The following GRIK2 variants were observed in gnomAD, a reference collection of about 807,000 sequenced individuals.
The protein encoded by GRIK2 is glutamate ionotropic receptor kainate type subunit 2.
A neutral mutation model predicts 100.3 loss-of-function variants in GRIK2; 32 were observed. The observed-to-expected ratio is 0.32, with a 90% CI of 0.24 to 0.43. GRIK2 has a LOEUF of 0.43. GRIK2 is among the 20% of genes least tolerant of loss of function. GRIK2 has a pLI of 1.00. For missense variants in GRIK2, 843 were observed against 1,114.9 expected, an observed-to-expected ratio of 0.76 and a Z score of 3.47; for synonymous variants, 417 against 389.4, an observed-to-expected ratio of 1.07 and a Z score of -0.83.
At chr6:101,960,204 A>T (rs980340916) in intron 14 of GRIK2, among the ~76,000 whole-genome samples, 3 of 146,714 alleles carry the variant, frequency 2.0e-5, no homozygotes, top group African/African-American at 5.4e-5. Context: ...CTGTTTTTTT[A>T]AAAATTATCT....
chr6:101,790,264 A>AGG (rs1444563723), intron 7 of GRIK2, among the ~76,000 whole-genome samples: 1 of 151,728 alleles, frequency 6.6e-6, no homozygotes, highest in African/African-American at 2.4e-5. Flanking sequence ...GTGGTGAGAG[A>AGG]GGGCATCCCT....
In GRIK2 at chr6:101,809,087, A is replaced by AAAAG. The variant is rs1781174419; in HGVS notation, c.1203+6649_1203+6650insAAAG. ...CCTCTAAAAGGTTTAAATTTGTCAT[A>AAAAG]TTTTACTTTCATGTGAAGCTTCATT... is the stretch of plus-strand genomic sequence containing the variant. On this transcript the variant is annotated intron_variant, in intron 9 of 16. Transcript: ENST00000369134. Among the ~76,000 whole-genome samples, 3 of 151,808 alleles carry AAAAG rather than the reference A, an allele frequency of 2.0e-5. No individual in the cohort carries two copies. In the South Asian group the frequency reaches 6.2e-4, roughly 31 times the overall value.
Position 102,001,365 on chromosome 6 carries a change from C to T in GRIK2, c.2086-33976C>T, listed in dbSNP as rs563254780. 1.1e-4 allele frequency among the ~76,000 whole-genome samples: 17 copies of T among 151,558 alleles called. No homozygotes were observed. The East Asian group carries it at 2.0e-3, about 17-fold the overall frequency. On this transcript the variant is annotated intron_variant, in intron 14 of 16. Coordinates refer to ENST00000369134, the MANE Select transcript of GRIK2 (RefSeq NM_021956.5). ...ATGCTCTCCCTCTCCTTGTTCCCCACCCCCCGACAGGCCCCAGTATGTGAT... is the reference window on the plus strand; with the variant it reads ...ATGCTCTCCCTCTCCTTGTTCCCCATCCCCCGACAGGCCCCAGTATGTGAT...
chr6:101,946,782 A>G (rs1287837064), intron 14 of GRIK2, among the ~76,000 whole-genome samples: 1 of 152,110 alleles, frequency 6.6e-6, no homozygotes, highest in Non-Finnish European at 1.5e-5. Context: ...GGATGGAGGC[A>G]GAGTGGTATT....
At chr6:101,460,422 A>T (rs1045175936) in intron 2 of GRIK2, among the ~76,000 whole-genome samples, 5 of 152,204 alleles carry the variant, frequency 3.3e-5, no homozygotes, top group African/African-American at 1.2e-4. Context: ...TTTCTTCTTA[A>T]ATAGATGAGT....
chr6:101,677,609 A>G lies in GRIK2; in HGVS notation c.723+805A>G, dbSNP rs531892588. 5.3e-5 allele frequency among the ~76,000 whole-genome samples: 8 copies of G among 152,244 alleles called. No homozygotes were observed. In the South Asian group the frequency reaches 1.7e-3, roughly 32 times the overall value. Reference sequence around the variant, plus strand: ...TTAAATGGCCAGAACAAGGCCCTACACTTACTATGTAGTAGAGCCTGGATT... The same window carrying G: ...TTAAATGGCCAGAACAAGGCCCTACGCTTACTATGTAGTAGAGCCTGGATT... On this transcript the variant is annotated intron_variant, in intron 5 of 16. Coordinates refer to ENST00000369134, the MANE Select transcript of GRIK2 (RefSeq NM_021956.5).
At chr6:101,977,742 G>A (rs1195471901) in intron 14 of GRIK2, among the ~76,000 whole-genome samples, 1 of 151,938 alleles carries the variant, frequency 6.6e-6, no homozygotes, top group Non-Finnish European at 1.5e-5. Context: ...TCTAAAACCT[G>A]CGTGCTTCAT....
At chr6:101,400,898 C>T (rs1258562265) in intron 2 of GRIK2, among the ~76,000 whole-genome samples, 2 of 152,166 alleles carry the variant, frequency 1.3e-5, no homozygotes, top group African/African-American at 4.8e-5. Flanking sequence ...TACTTAAGCA[C>T]GTTGCTCTTA....
intron 2 of GRIK2, among the ~76,000 whole-genome samples, chr6:101,495,513 GTAAA>G (rs751166491): frequency 3.7e-4 from 56 of 151,638 alleles, no homozygotes; most frequent in South Asian, 8.3e-4. Flanking sequence ...CTCAAAATAA[GTAAA>G]TAAATAAATA....
chr6:101,463,469 TAA>T (rs1771449779), intron 2 of GRIK2, among the ~76,000 whole-genome samples: 1 of 152,178 alleles, frequency 6.6e-6, no homozygotes, highest in East Asian at 1.9e-4. Context: ...AGGAAGAATA[TAA>T]ATTGTATTTT....
chr6:101,541,257 C>T (rs1218414104), intron 2 of GRIK2, among the ~76,000 whole-genome samples: 1 of 151,852 alleles, frequency 6.6e-6, no homozygotes, highest in African/African-American at 2.4e-5. Flanking sequence ...TCCAGACCCA[C>T]CAGAACCAAG....
At chr6:101,718,049 T>C (rs1180936655) in intron 7 of GRIK2, among the ~76,000 whole-genome samples, 1 of 151,838 alleles carries the variant, frequency 6.6e-6, no homozygotes, top group African/African-American at 2.4e-5. Flanking sequence ...GGTATTATAC[T>C]CTTGTCTATA....
At chr6:101,752,974 G>T (rs1776883567) in intron 7 of GRIK2, among the ~76,000 whole-genome samples, 1 of 152,136 alleles carries the variant, frequency 6.6e-6, no homozygotes, top group Non-Finnish European at 1.5e-5. Flanking sequence ...TCTGCAATAT[G>T]GTAAAACTGA....
intron 11 of GRIK2, among the ~76,000 whole-genome samples, chr6:101,882,612 C>T (rs1196810667): frequency 6.6e-6 from 1 of 151,652 alleles, no homozygotes; most frequent in African/African-American, 2.4e-5. Flanking sequence ...TGAGGGAAAT[C>T]TCTGAATTTT....
At chr6:101,768,226 C>T (rs1778159095) in intron 7 of GRIK2, among the ~76,000 whole-genome samples, 1 of 152,086 alleles carries the variant, frequency 6.6e-6, no homozygotes, top group Admixed American at 6.6e-5. Context: ...TGTTGAGAAA[C>T]ATTAAGGCTG....
intron 14 of GRIK2, among the ~76,000 whole-genome samples, chr6:101,997,364 T>C (rs889387428): frequency 1.3e-5 from 2 of 152,238 alleles, no homozygotes; most frequent in East Asian, 3.9e-4. Flanking sequence ...TGTATGTCCT[T>C]TATCATGGTT....
At chr6:101,393,973 G>A (rs1436147771) in intron 1 of GRIK2, among the ~76,000 whole-genome samples, 136 bp downstream of exon 1, 2 of 152,236 alleles carry the variant, frequency 1.3e-5, no homozygotes, top group Non-Finnish European at 1.5e-5. Flanking sequence ...CAGTAGCGCT[G>A]CGGACGTCCG....
intron 14 of GRIK2, among the ~76,000 whole-genome samples, chr6:102,015,693 G>A (rs1022873151): frequency 6.6e-6 from 1 of 152,220 alleles, no homozygotes; most frequent in Non-Finnish European, 1.5e-5. Flanking sequence ...ATGCAAATGA[G>A]TATGGATCCC....
At position 102,020,653 on chromosome 6, in the gene GRIK2, A is replaced by T. The variant is rs958700557; in HGVS notation, c.2086-14688A>T. On this transcript the variant is annotated intron_variant, in intron 14 of 16. Coordinates refer to ENST00000369134, the MANE Select transcript of GRIK2 (RefSeq NM_021956.5). ...AAAACTGGATTTTATAAAGAAGTTC[A>T]TAGATGTGCCTAGGTGAAGGTTCGA... 2.6e-5 allele frequency among the ~76,000 whole-genome samples: 4 copies of T among 152,020 alleles called. No homozygotes were observed. In the South Asian group the frequency reaches 8.3e-4, roughly 31 times the overall value.
Sources: gnomAD v4.1 joint callset for allele counts (sites outside exome capture counted in the v4.1 genomes callset) on GRCh38, gnomAD v4.1.1 for gene constraint, MANE v1.5 for transcripts, NCBI Gene and HGNC (gene_info 2026-07-23, HGNC 2026-07-21) for gene names.